PDE4D: variants seen among roughly 807,000 people sequenced by gnomAD.
PDE4D encodes 3',5'-cyclic-AMP phosphodiesterase 4D.
In PDE4D, 24 loss-of-function variants were observed where a neutral mutation model predicts 87.4. The observed-to-expected ratio is 0.27, with a 90% confidence interval of 0.20 to 0.39. PDE4D has a LOEUF of 0.39. PDE4D is among the 10% of genes least tolerant of loss of function. The pLI is 1.00. For missense variants in PDE4D, 714 were observed against 1,041.0 expected, an observed-to-expected ratio of 0.69 and a Z score of 4.32; for synonymous variants, 384 against 383.2, an observed-to-expected ratio of 1.00 and a Z score of -0.02.
chr5:60,456,776 C>T (rs566602003), intron 1 of PDE4D, among the ~76,000 whole-genome samples: 2 of 152,240 alleles, frequency 1.3e-5, no homozygotes, highest in Admixed American at 6.5e-5. Flanking sequence ...TGAGCCTCCC[C>T]TCTTGTTCTC....
intron 1 of PDE4D, among the ~76,000 whole-genome samples, chr5:59,737,374 T>C (rs1354434494): frequency 6.6e-6 from 1 of 152,120 alleles, no homozygotes; most frequent in African/African-American, 2.4e-5. Flanking sequence ...GGGTAATTCA[T>C]GCGTATTGGA....
At chr5:60,330,116 G>T (rs1479654559) in intron 1 of PDE4D, among the ~76,000 whole-genome samples, 1 of 152,206 alleles carries the variant, frequency 6.6e-6, no homozygotes, top group African/African-American at 2.4e-5. Context: ...TACAATTACA[G>T]TATAGAGGAA....
upstream of PDE4D, among the ~76,000 whole-genome samples, chr5:60,489,101 G>A (rs562805685): frequency 3.8e-3 from 572 of 152,172 alleles, 4 homozygotes; most frequent in African/African-American, 0.014. Flanking sequence ...ACTAAAATAA[G>A]AAAGCAAAAA....
intron 1 of PDE4D, among the ~76,000 whole-genome samples, chr5:59,794,549 C>A (rs1340555567): frequency 6.6e-6 from 1 of 152,054 alleles, no homozygotes; most frequent in Non-Finnish European, 1.5e-5. Context: ...GTTCCACTGA[C>A]CTATAAATGT....
chr5:59,429,873 G>C (rs1282557053), intron 1 of PDE4D, among the ~76,000 whole-genome samples: 1 of 152,122 alleles, frequency 6.6e-6, no homozygotes, highest in Non-Finnish European at 1.5e-5. Context: ...TGTTTTTGTA[G>C]AATTATAACT....
At chr5:59,684,947 T>C (rs1749610010) in intron 1 of PDE4D, among the ~76,000 whole-genome samples, 1 of 152,206 alleles carries the variant, frequency 6.6e-6, no homozygotes, top group African/African-American at 2.4e-5. Context: ...CCCTCAGCCT[T>C]AACTGGCTCC....
intron 5 of PDE4D, among the ~76,000 whole-genome samples, chr5:59,043,712 C>A (rs999220380): frequency 1.4e-4 from 21 of 152,082 alleles, no homozygotes; most frequent in Non-Finnish European, 2.5e-4. Context: ...CCCTTCCCCC[C>A]ACCCCACAGC....
chr5:60,026,654 C>T (rs1561994233), intron 2 of PDE4D, among the ~76,000 whole-genome samples: 1 of 152,114 alleles, frequency 6.6e-6, no homozygotes, highest in Non-Finnish European at 1.5e-5. Flanking sequence ...AGTCCATTAG[C>T]CATCCCCTCA....
chr5:60,355,864 A>G lies in PDE4D; in HGVS notation c.-90+132078T>C, dbSNP rs140863196. On this transcript the variant is annotated intron_variant, in intron 1 of 16. Transcript: ENST00000502484. ...TGCATTGAGTAGGCTCAGGAGGAAG[A>G]AGAAGAGAAGGGGTTGGTCTTACTG... Among the ~76,000 whole-genome samples, 163 of 152,300 alleles carry G rather than the reference A, an allele frequency of 1.1e-3. 2 individuals carry two copies. In the East Asian group the frequency reaches 0.022, roughly 21 times the overall value.
chr5:60,220,850 A>T (rs1450881256), intron 1 of PDE4D, among the ~76,000 whole-genome samples: 1 of 152,172 alleles, frequency 6.6e-6, no homozygotes, highest in Non-Finnish European at 1.5e-5. Context: ...TAAGTCCTTT[A>T]ATAGACTACT....
At chr5:59,551,435 T>C (rs1309058949) in intron 1 of PDE4D, among the ~76,000 whole-genome samples, 1 of 150,720 alleles carries the variant, frequency 6.6e-6, no homozygotes, top group Admixed American at 6.7e-5. Flanking sequence ...TATTGAATAA[T>C]CATCCCTTTT....
intron 2 of PDE4D, among the ~76,000 whole-genome samples, chr5:59,195,426 C>T (rs1157629352): frequency 6.6e-6 from 1 of 152,108 alleles, no homozygotes; most frequent in African/African-American, 2.4e-5. Flanking sequence ...AGAGCAGCTG[C>T]CTAGATGAGA....
At chr5:59,950,485 T>C (rs184671615) in intron 3 of PDE4D, among the ~76,000 whole-genome samples, 19 of 152,298 alleles carry the variant, frequency 1.2e-4, no homozygotes, top group Admixed American at 3.9e-4. Context: ...GGGATGTGGA[T>C]ATCTTATTTA....
chr5:59,730,327 C>T (rs992091571), intron 1 of PDE4D, among the ~76,000 whole-genome samples: 1 of 152,104 alleles, frequency 6.6e-6, no homozygotes, highest in Non-Finnish European at 1.5e-5. Flanking sequence ...AATAACATTA[C>T]AGCTATGTAC....
intron 2 of PDE4D, among the ~76,000 whole-genome samples, chr5:60,042,395 G>T (rs1453025646): frequency 6.6e-6 from 1 of 152,238 alleles, no homozygotes; most frequent in Non-Finnish European, 1.5e-5. Flanking sequence ...ATTCCTGCCT[G>T]CTGGCTCTGA....
intron 1 of PDE4D, among the ~76,000 whole-genome samples, chr5:60,410,905 G>T (rs1741991873): frequency 6.6e-6 from 1 of 152,172 alleles, no homozygotes; most frequent in African/African-American, 2.4e-5. Context: ...TGTTCTTACT[G>T]CTTCTAACAG....
intron 1 of PDE4D, among the ~76,000 whole-genome samples, chr5:60,496,430 C>T (rs1749817446): frequency 6.6e-6 from 1 of 152,142 alleles, no homozygotes. Context: ...TTTTCTGACA[C>T]ATTGCAGCCT....
chr5:59,354,539 G>A (rs745748400), intron 1 of PDE4D, among the ~76,000 whole-genome samples: 11 of 152,138 alleles, frequency 7.2e-5, no homozygotes, highest in Non-Finnish European at 1.2e-4. Context: ...GACTCATGGT[G>A]CATTTGAGGT....
chr5:60,106,366 G>T (rs1776915506), intron 2 of PDE4D, among the ~76,000 whole-genome samples: 1 of 151,100 alleles, frequency 6.6e-6, no homozygotes, highest in African/African-American at 2.4e-5. Context: ...AGCAAGTCCT[G>T]AGTGACCTAC....
Sources: allele counts gnomAD v4.1 joint callset (sites outside exome capture counted in the v4.1 genomes callset), GRCh38; gene constraint gnomAD v4.1.1; transcripts MANE v1.5; gene names NCBI Gene and HGNC (gene_info 2026-07-23, HGNC 2026-07-21).